The following RHCG variants were observed in gnomAD, a reference collection of about 807,000 sequenced individuals.
The protein encoded by RHCG is Rh family C glycoprotein.
In RHCG, 39 loss-of-function variants were observed where a neutral mutation model predicts 55.3. The ratio of observed to expected loss-of-function variants is 0.70; its 90% CI spans 0.55 to 0.92. The LOEUF (loss-of-function observed/expected upper bound fraction) is 0.92. Among genes scored for constraint, RHCG ranks in the 40% least tolerant of loss-of-function variants. The pLI is 0.00. For synonymous variants in RHCG, 250 were observed against 246.8 expected, an observed-to-expected ratio of 1.01 and a Z score of -0.12; for missense variants, 635 against 627.9, an observed-to-expected ratio of 1.01 and a Z score of -0.12.
rs775599960 is a variant in RHCG, at chr15:89,477,580, A to G, written c.1049T>C (p.Ile350Thr). Reference sequence around the variant, plus strand: ...TGTCACAGCACCCACGATGCCGCCTATGATGCCAGGAATGCCATGCAGATT... The same window carrying G: ...TGTCACAGCACCCACGATGCCGCCTGTGATGCCAGGAATGCCATGCAGATT... Reference protein sequence around the residue: ...INNLHGIPGIIGGIVGAVTAA... With the variant: ...INNLHGIPGITGGIVGAVTAA... The change falls in exon 7 of 11, where the codon ATA (isoleucine) becomes ACA (threonine). Residue 350 changes from isoleucine to threonine, a missense_variant. Physicochemically the swap from Ile to Thr is moderately conservative, Grantham distance 89. Transcript: ENST00000268122. The surrounding 1 kb of genome is among the most constrained non-coding windows in gnomAD (Gnocchi z 4.5). The G allele has an allele frequency of 5.0e-6, 8 of 1,614,022 alleles. No homozygotes were observed. The highest frequency in any genetic ancestry group is 2.7e-5 in the African/African-American group (2 of 74,916).
chr15:89,480,761 C>G (rs1055828288), intron 3 of RHCG, among the ~76,000 whole-genome samples: 13 of 152,220 alleles, frequency 8.5e-5, no homozygotes, highest in African/African-American at 2.9e-4. Flanking sequence ...ACCTCTGTGC[C>G]TCTCATTTGA....
intron 9 of RHCG, among the ~76,000 whole-genome samples, chr15:89,475,990 T>TCTCTCTCTCTCTCTTGCTCTCG (rs369528045): frequency 8.3e-6 from 1 of 120,416 alleles, no homozygotes; most frequent in Non-Finnish European, 1.5e-5. Context: ...ACTTTGCATT[T>TCTCTCTCTCTCTCTTGCTCTCG]CTCTCTCTCT....
intron 2 of RHCG, chr15:89,486,141 C>T (rs1024572135): frequency 6.1e-5 from 25 of 407,124 alleles, no homozygotes; most frequent in African/African-American, 4.9e-4. Context: ...GGGTGCTCCA[C>T]CCGTGGAAGC....
At chr15:89,483,376 T>C (rs1961303620) in intron 2 of RHCG, among the ~76,000 whole-genome samples, 159 bp from the exon 3 acceptor site, 1 of 152,008 alleles carries the variant, frequency 6.6e-6, no homozygotes, top group African/African-American at 2.4e-5. Context: ...TTAGAGCTAC[T>C]CCAAGAATGA....
At chr15:89,475,598 C>A (rs1477860085) in intron 9 of RHCG, among the ~76,000 whole-genome samples, 2 of 152,166 alleles carry the variant, frequency 1.3e-5, no homozygotes, top group Admixed American at 1.3e-4. Context: ...GTTGCAGAGT[C>A]CCGGTCCCTA....
chr15:89,472,828 C>A lies in RHCG; in HGVS notation c.1347G>T (p.Glu449Asp), dbSNP rs138215044. Reference sequence around the variant, plus strand: ...GTCCTGAGGGCTTGAAGGTGGGGTCCTCAGGGATGTAGACAGTGCTGTTCC... The same window carrying A: ...GTCCTGAGGGCTTGAAGGTGGGGTCATCAGGGATGTAGACAGTGCTGTTCC... The part of the protein sequence containing the change: ...PEGNSTVYIP[E>D]DPTFKPSGPS... The change falls in exon 10 of 11, where the codon GAG (glutamate) becomes GAT (aspartate). Residue 449 changes from glutamate to aspartate, a missense_variant. Transcript: ENST00000268122. The A allele has an allele frequency of 5.7e-5, 88 of 1,545,924 alleles. No homozygotes were observed. In the African/African-American group the frequency reaches 8.0e-4, roughly 14 times the overall value.
intron 3 of RHCG, among the ~76,000 whole-genome samples, chr15:89,482,594 C>T (rs957160867): frequency 2.6e-5 from 4 of 152,148 alleles, no homozygotes; most frequent in Admixed American, 2.0e-4. Flanking sequence ...TTGACCTCCC[C>T]GAGGGAGCAG....
At chr15:89,479,951 G>A (rs1297015356) in intron 4 of RHCG, among the ~76,000 whole-genome samples, 1 of 152,228 alleles carries the variant, frequency 6.6e-6, no homozygotes, top group Non-Finnish European at 1.5e-5. Flanking sequence ...GGGATGGAGT[G>A]AGCAGCTCCT....
chr15:89,493,172 C>A (rs552430403), intron 1 of RHCG, among the ~76,000 whole-genome samples: 1 of 152,306 alleles, frequency 6.6e-6, no homozygotes, highest in Admixed American at 6.5e-5. Flanking sequence ...GAGCTTCCTC[C>A]GCCCTGGGTC....
chr15:89,472,676 C>G (rs1419064670), intron 10 of RHCG, 35 bp downstream of exon 10: 15 of 1,580,990 alleles, frequency 9.5e-6, no homozygotes, highest in Non-Finnish European at 1.2e-5. Context: ...CTGGGAGAAC[C>G]TCCCTGTCAT....
intron 3 of RHCG, among the ~76,000 whole-genome samples, chr15:89,482,434 G>A (rs1187765344): frequency 2.6e-5 from 4 of 152,160 alleles, no homozygotes; most frequent in Non-Finnish European, 5.9e-5. Flanking sequence ...GCCAAGGAGG[G>A]GGAGTTCCAG....
In RHCG at chr15:89,490,025, A is replaced by T. The variant is rs369920149; in HGVS notation, c.185-3040T>A. On this transcript the variant is annotated intron_variant, in intron 1 of 10. Coordinates refer to ENST00000268122, the MANE Select transcript of RHCG (RefSeq NM_016321.3). Reference sequence around the variant, plus strand: ...CTCAGTTAATAGCTATGGATGAATGAATGATTGTTATTGTCTCAGAAGCAC... The same window carrying T: ...CTCAGTTAATAGCTATGGATGAATGTATGATTGTTATTGTCTCAGAAGCAC... Among the ~76,000 whole-genome samples the T allele has an allele frequency of 1.8e-4, 28 of 152,266 alleles. 1 individual carries two copies. In the South Asian group the frequency reaches 5.8e-3, roughly 32 times the overall value.
Position 89,477,738 on chromosome 15 carries a change from C to T in RHCG, c.976-85G>A, listed in dbSNP as rs1596402882. The T allele has an allele frequency of 2.5e-6, 4 of 1,603,928 alleles. No homozygotes were observed. The East Asian group carries it at 6.7e-5, about 27-fold the overall frequency. On this transcript the variant is annotated intron_variant, in intron 6 of 10. Coordinates refer to ENST00000268122, the MANE Select transcript of RHCG (RefSeq NM_016321.3). The surrounding 1 kb of genome is among the most constrained non-coding windows in gnomAD (Gnocchi z 4.5). ...CGGGATTCCAGAGACCCAGGATTCT[C>T]TAGCCCTCAGCCCCCTCCCTAGGAA...
At chr15:89,486,503 T>C in intron 2 of RHCG, 1 of 489,970 alleles carries the variant, frequency 2.0e-6, no homozygotes, top group South Asian at 1.5e-5. Context: ...TGTATGACAC[T>C]TGGACGACTC....
At chr15:89,486,205 A>T (rs1961355419) in intron 2 of RHCG, 7 of 455,190 alleles carry the variant, frequency 1.5e-5, no homozygotes, top group Admixed American at 1.4e-4. Flanking sequence ...CCTGTCTCAC[A>T]GCTGTTTCCA....
chr15:89,475,224 CCTT>C (rs955647515), intron 9 of RHCG, among the ~76,000 whole-genome samples: 3 of 151,118 alleles, frequency 2.0e-5, no homozygotes, highest in Admixed American at 6.6e-5. Context: ...CTTCCTTTTT[CCTT>C]CTTTTCTTTC....
chr15:89,479,310 C>A lies in RHCG; in HGVS notation c.837+12G>T. The stretch of plus-strand genomic sequence containing the variant: ...GCAGTCAGAGCCACACCCCCAACGC[C>A]CTCATGCTCACCATGTCCAGCTTGC... On this transcript the variant is annotated intron_variant, in intron 5 of 10. Coordinates refer to ENST00000268122, the MANE Select transcript of RHCG (RefSeq NM_016321.3). 6.2e-7 allele frequency: 1 copy of A among 1,610,130 alleles called. No individual in the cohort carries two copies. The highest frequency in any genetic ancestry group is 8.5e-7 in the Non-Finnish European group (1 of 1,178,044).
intron 3 of RHCG, among the ~76,000 whole-genome samples, chr15:89,481,674 G>T (rs1196477940): frequency 6.6e-6 from 1 of 152,184 alleles, no homozygotes; most frequent in African/African-American, 2.4e-5. Flanking sequence ...AGAAAAGTTG[G>T]CGCCAGAACA....
intron 4 of RHCG, among the ~76,000 whole-genome samples, chr15:89,479,978 G>C (rs571736041): frequency 3.0e-4 from 45 of 152,350 alleles, no homozygotes; most frequent in Middle Eastern, 3.4e-3. Context: ...CACTGTGTCT[G>C]CCTTGGGGCA....
Sources: gnomAD v4.1 joint callset for allele counts (sites outside exome capture counted in the v4.1 genomes callset) on GRCh38, gnomAD v4.1.1 for gene constraint, Gnocchi (gnomAD v3.1) non-coding constraint, MANE v1.5 for transcripts, NCBI Gene and HGNC (gene_info 2026-07-23, HGNC 2026-07-21) for gene names.